The following MAGI1 variants were observed in gnomAD, a reference collection of about 807,000 sequenced individuals.
The protein encoded by MAGI1 is membrane-associated guanylate kinase, WW and PDZ domain-containing protein 1.
MAGI1 carries 58 observed loss-of-function variants against 139.9 expected under a neutral mutation model. The ratio of observed to expected loss-of-function variants is 0.41; its 90% confidence interval spans 0.34 to 0.52. The LOEUF (loss-of-function observed/expected upper bound fraction) is 0.52. Ranked by LOEUF, MAGI1 falls within the 20% of genes least tolerant of loss-of-function variation. The pLI is 0.12. For synonymous variants in MAGI1, 812 were observed against 737.9 expected, an observed-to-expected ratio of 1.10 and a Z score of -1.63; for missense variants, 1,874 against 1,901.6, an observed-to-expected ratio of 0.99 and a Z score of 0.27.
intron 1 of MAGI1, among the ~76,000 whole-genome samples, chr3:65,796,111 G>C (rs2040130489): frequency 2.0e-5 from 3 of 151,932 alleles, no homozygotes; most frequent in Non-Finnish European, 2.9e-5. Context: ...GGACTGCGGA[G>C]GATGGCGAGT....
At chr3:65,755,491 C>CG (rs1459760844) in intron 1 of MAGI1, among the ~76,000 whole-genome samples, 1 of 151,188 alleles carries the variant, frequency 6.6e-6, no homozygotes, top group Non-Finnish European at 1.5e-5. Context: ...TAGAGTACTT[C>CG]GGGGGCAAGG....
chr3:65,901,434 T>C (rs1482619019), intron 1 of MAGI1, among the ~76,000 whole-genome samples: 1 of 152,248 alleles, frequency 6.6e-6, no homozygotes, highest in African/African-American at 2.4e-5. Flanking sequence ...TATCTGTGAA[T>C]ACCACATTCT....
intron 2 of MAGI1, among the ~76,000 whole-genome samples, chr3:65,564,448 A>G (rs2080516921): frequency 6.6e-6 from 1 of 152,218 alleles, no homozygotes; most frequent in Non-Finnish European, 1.5e-5. Flanking sequence ...CAAAGAGACA[A>G]TGAGATGGCA....
chr3:65,364,621 A>C, intron 20 of MAGI1, 44 bp downstream of exon 20: 1 of 1,548,592 alleles, frequency 6.5e-7, no homozygotes. Flanking sequence ...GAAAGTTGGA[A>C]GGAAACGTGC....
intron 1 of MAGI1, among the ~76,000 whole-genome samples, chr3:65,675,982 A>G (rs77994555): frequency 0.013 from 1,951 of 152,334 alleles, 28 homozygotes; most frequent in African/African-American, 0.045. Flanking sequence ...GCTACCCTAT[A>G]TATGTCAATA....
intron 1 of MAGI1, among the ~76,000 whole-genome samples, chr3:65,668,562 C>CTTTTTTTTT (rs58434479): frequency 4.0e-3 from 316 of 79,652 alleles, no homozygotes; most frequent in East Asian, 7.0e-3. Context: ...CCTTTTTTTT[C>CTTTTTTTTT]TTTTTTTTTT....
At chr3:65,669,822 C>A (rs998061824) in intron 1 of MAGI1, among the ~76,000 whole-genome samples, 1 of 152,182 alleles carries the variant, frequency 6.6e-6, no homozygotes, top group Non-Finnish European at 1.5e-5. Flanking sequence ...ATTGTGTAAG[C>A]TGAACCAATT....
chr3:66,010,316 C>T (rs1449305769), intron 1 of MAGI1, among the ~76,000 whole-genome samples: 1 of 152,074 alleles, frequency 6.6e-6, no homozygotes, highest in African/African-American at 2.4e-5. Context: ...TTCTGTGGTG[C>T]CTTGGCCACT....
chr3:65,381,961 G>A lies in MAGI1; in HGVS notation c.2617C>T (p.His873Tyr), dbSNP rs1451685272. Residue 873 changes from histidine (H) to tyrosine (Y), a missense_variant, in exon 16 of 23, where the codon CAC (histidine) becomes TAC (tyrosine). Coordinates refer to ENST00000402939, the MANE Select transcript of MAGI1 (RefSeq NM_001033057.2). ...TGCATAAGCTGGACCACAAGCTGGT[G>A]TGATTTTCCAATTACTGGCGTCCCA... ...VDGTPVIGKS[H>Y]QLVVQLMQQA... 1 of 1,614,158 alleles carries A rather than the reference G, an allele frequency of 6.2e-7. No homozygotes were observed. Among genetic ancestry groups the A allele is most frequent in the South Asian group, 1.1e-5 (1 of 91,078 alleles).
chr3:65,839,140 CCA>C (rs1394190504), intron 1 of MAGI1, among the ~76,000 whole-genome samples: 3 of 152,150 alleles, frequency 2.0e-5, no homozygotes, highest in Non-Finnish European at 2.9e-5. Flanking sequence ...CAACAACAGA[CCA>C]CATATACAAT....
intron 1 of MAGI1, among the ~76,000 whole-genome samples, chr3:65,880,124 C>T (rs548929660): frequency 9.9e-5 from 15 of 152,116 alleles, no homozygotes; most frequent in Non-Finnish European, 2.1e-4. Flanking sequence ...CACCTGTAGT[C>T]CCAGCTACTC....
chr3:65,620,127 G>A (rs138227347), intron 2 of MAGI1: 100 of 246,670 alleles, frequency 4.1e-4, no homozygotes, highest in African/African-American at 2.2e-3. Context: ...CACCACAGAT[G>A]CATCAAGAAA....
intron 2 of MAGI1, among the ~76,000 whole-genome samples, chr3:65,601,459 G>A (rs2082478838): frequency 6.6e-6 from 1 of 152,112 alleles, no homozygotes; most frequent in Admixed American, 6.5e-5. Flanking sequence ...ATTTATTAGA[G>A]AATAAGAGAG....
intron 1 of MAGI1, among the ~76,000 whole-genome samples, chr3:65,834,789 A>G (rs1261986651): frequency 1.3e-5 from 2 of 152,228 alleles, no homozygotes; most frequent in African/African-American, 4.8e-5. Context: ...TAGAATTGCT[A>G]TGTCGACATG....
intron 1 of MAGI1, among the ~76,000 whole-genome samples, chr3:65,684,528 T>C (rs1449898096): frequency 1.3e-5 from 2 of 152,222 alleles, no homozygotes; most frequent in Middle Eastern, 3.4e-3. Context: ...AGGGGAGAGA[T>C]GGGTGTGGCT....
rs181057973 is a variant in MAGI1, at chr3:65,626,189, C to A, written c.314-4101G>T. On this transcript the variant is annotated intron_variant, in intron 1 of 22. Transcript: ENST00000402939. Reference sequence around the variant, plus strand: ...TCTATGATATCCAAAATGCTTAAATCAAAAGCAACATTCCAAAGGAGTTTT... The same window carrying A: ...TCTATGATATCCAAAATGCTTAAATAAAAAGCAACATTCCAAAGGAGTTTT... Among the ~76,000 whole-genome samples, 7 of 152,270 alleles carry A rather than the reference C, an allele frequency of 4.6e-5. No individual in the cohort carries two copies. The East Asian group carries it at 1.4e-3, about 29-fold the overall frequency.
intron 1 of MAGI1, among the ~76,000 whole-genome samples, chr3:65,803,996 T>C (rs538847735): frequency 1.3e-5 from 2 of 152,232 alleles, no homozygotes; most frequent in East Asian, 1.9e-4. Context: ...AAGACAATCA[T>C]GATAGATTAA....
intron 1 of MAGI1, among the ~76,000 whole-genome samples, chr3:65,755,217 G>C (rs1273774179): frequency 6.6e-6 from 1 of 151,976 alleles, no homozygotes; most frequent in Admixed American, 6.6e-5. Context: ...CAAAGTGCTG[G>C]GATTACAGGT....
intron 3 of MAGI1, among the ~76,000 whole-genome samples, chr3:65,490,474 T>C (rs991848061): frequency 1.3e-5 from 2 of 152,164 alleles, no homozygotes; most frequent in African/African-American, 4.8e-5. Context: ...TGAGGGTATA[T>C]GGCATTTAAT....
Sources: gnomAD v4.1 joint callset for allele counts (sites outside exome capture counted in the v4.1 genomes callset) on GRCh38, gnomAD v4.1.1 for gene constraint, MANE v1.5 for transcripts, NCBI Gene and HGNC (gene_info 2026-07-23, HGNC 2026-07-21) for gene names.